DMD: variants seen among roughly 807,000 people sequenced by gnomAD.
The protein encoded by DMD is mutant dystrophin.
A neutral mutation model predicts 330.1 loss-of-function variants in DMD; 63 were observed. That is an observed-to-expected ratio of 0.19 (90% CI 0.16 to 0.24). The LOEUF (loss-of-function observed/expected upper bound fraction) is 0.24, where lower values mean the gene tolerates loss of function less well. Among genes scored for constraint, DMD ranks in the 10% least tolerant of loss-of-function variants. The pLI is 1.00. For missense variants in DMD, 3,344 were observed against 2,684.1 expected, an observed-to-expected ratio of 1.25 and a Z score of -5.43; for synonymous variants, 1,223 against 959.8, an observed-to-expected ratio of 1.27 and a Z score of -5.07.
At chrX:31,566,130 T>G (rs932720531) in intron 55 of DMD, among the ~76,000 whole-genome samples, 1 of 112,046 alleles carries the variant, frequency 8.9e-6, no homozygotes, top group African/African-American at 3.2e-5. Flanking sequence ...GCAGTCCAAC[T>G]GATTTTTTTC....
intron 41 of DMD, among the ~76,000 whole-genome samples, chrX:32,315,913 A>G (rs1224516436): frequency 1.8e-5 from 2 of 111,955 alleles, no homozygotes; most frequent in African/African-American, 6.5e-5. Flanking sequence ...AATTTTTAAG[A>G]AAATTTTAGA....
At chrX:32,666,594 C>T (rs1160419300) in intron 9 of DMD, among the ~76,000 whole-genome samples, 1 of 110,428 alleles carries the variant, frequency 9.1e-6, no homozygotes, top group Admixed American at 9.7e-5. Context: ...TTTCTTTATC[C>T]AGTCTATCAT....
chrX:32,854,875 A>G (rs1432087262), intron 2 of DMD, among the ~76,000 whole-genome samples: 1 of 111,949 alleles, frequency 8.9e-6, no homozygotes, highest in African/African-American at 3.2e-5. Context: ...ACAGATATCC[A>G]GAAAACAAAA....
rs762123560 is a variant in DMD at position 32,643,983 on chromosome X, T to C, written c.1331+149A>G. 90 of 491,884 alleles carry C rather than the reference T, an allele frequency of 1.8e-4. 1 individual carries two copies. In the South Asian group the frequency reaches 3.0e-3, roughly 17 times the overall value. 40.5% of individuals were successfully genotyped at this position (491,884 alleles called of 1,213,427 possible). ...AAAGTGAAAACCAAAATGTTATTTC[T>C]ATGAAAATCCAACCAGTCTCCCTTG... On this transcript the variant is annotated intron_variant, in intron 11 of 78. Coordinates refer to ENST00000357033, the MANE Select transcript of DMD (RefSeq NM_004006.3).
At chrX:31,709,618 T>TGTGTGTG in intron 52 of DMD, among the ~76,000 whole-genome samples, 1 of 98,322 alleles carries the variant, frequency 1.0e-5, no homozygotes, top group African/African-American at 3.7e-5. Context: ...GTGTGTGTGG[T>TGTGTGTG]GTGTCAGAGA....
intron 54 of DMD, among the ~76,000 whole-genome samples, chrX:31,633,722 G>C (rs1195069087): frequency 8.9e-6 from 1 of 112,134 alleles, no homozygotes; most frequent in Non-Finnish European, 1.9e-5. Flanking sequence ...CAAAAGAGGT[G>C]GAGATCATCC....
chrX:32,702,340 G>A (rs2064211251), intron 7 of DMD, among the ~76,000 whole-genome samples: 1 of 111,739 alleles, frequency 8.9e-6, no homozygotes, highest in Non-Finnish European at 1.9e-5. Context: ...TTATGCATAG[G>A]ATTTCAATAG....
At chrX:32,834,774 G>A (rs2079463155) in intron 4 of DMD, among the ~76,000 whole-genome samples, 1 of 111,909 alleles carries the variant, frequency 8.9e-6, no homozygotes, top group Non-Finnish European at 1.9e-5. Flanking sequence ...ATCTACAACT[G>A]TGTCAGTTAA....
chrX:32,208,183 T>C (rs916185679), intron 44 of DMD, among the ~76,000 whole-genome samples: 1 of 111,887 alleles, frequency 8.9e-6, no homozygotes, highest in African/African-American at 3.2e-5. Context: ...AATGCAAACG[T>C]GGGTACAACA....
chrX:32,718,557 G>A (rs1267417169), intron 7 of DMD, among the ~76,000 whole-genome samples: 1 of 111,793 alleles, frequency 8.9e-6, no homozygotes, highest in Non-Finnish European at 1.9e-5. Flanking sequence ...ATCAAGATAA[G>A]GACATTTATT....
chrX:32,981,720 G>A (rs1413474867), intron 2 of DMD, among the ~76,000 whole-genome samples: 1 of 111,228 alleles, frequency 9.0e-6, no homozygotes, highest in East Asian at 2.8e-4. Flanking sequence ...AAATGTGATA[G>A]TATCCTATAA....
rs537698935 is a variant in DMD at position 32,019,597 on chromosome X, T to C, written c.6439-51083A>G. Among the ~76,000 whole-genome samples the C allele has an allele frequency of 1.2e-4, 13 of 110,987 alleles. No individual in the cohort carries two copies. In the South Asian group the frequency reaches 4.8e-3, roughly 41 times the overall value. ...TAGTCAAATGTGATTATACTTTTAT[T>C]CGTATCTTTCTTACACATGTTTCAA... On this transcript the variant is annotated intron_variant, in intron 44 of 78. Coordinates refer to ENST00000357033, the MANE Select transcript of DMD (RefSeq NM_004006.3).
intron 50 of DMD, among the ~76,000 whole-genome samples, chrX:31,806,771 C>T (rs765956371): frequency 6.2e-5 from 7 of 112,529 alleles, no homozygotes; most frequent in Non-Finnish European, 9.4e-5. Flanking sequence ...AAAATAAATT[C>T]CAGCCAAGAA....
At chrX:32,262,454 CAA>C (rs928233170) in intron 43 of DMD, among the ~76,000 whole-genome samples, 1 of 110,963 alleles carries the variant, frequency 9.0e-6, no homozygotes, top group African/African-American at 3.3e-5. Context: ...TTGCATATGT[CAA>C]AACTTATCAA....
At chrX:32,248,514 T>A (rs1458626690) in intron 43 of DMD, among the ~76,000 whole-genome samples, 2 of 110,696 alleles carry the variant, frequency 1.8e-5, no homozygotes, top group East Asian at 2.8e-4. Flanking sequence ...AAAATATATG[T>A]TGTTACACAC....
intron 11 of DMD, chrX:32,641,448 C>G (rs1272441004): frequency 1.7e-5 from 2 of 118,344 alleles, no homozygotes; most frequent in Non-Finnish European, 3.7e-5. Flanking sequence ...CTCACAATGA[C>G]TATATATCAA....
At chrX:31,931,207 A>C (rs2094847995) in intron 46 of DMD, among the ~76,000 whole-genome samples, 1 of 111,416 alleles carries the variant, frequency 9.0e-6, no homozygotes, top group Non-Finnish European at 1.9e-5. Context: ...TAGTGGCTGT[A>C]AATGTATCTA....
At chrX:31,255,302 G>A (rs1031491042) in intron 63 of DMD, among the ~76,000 whole-genome samples, 1 of 110,991 alleles carries the variant, frequency 9.0e-6, no homozygotes, top group Admixed American at 9.6e-5. Context: ...ATGCTTTCTG[G>A]AGCCTTGAAG....
chrX:33,230,330 T>C (rs1002304856), intron 1 of DMD, among the ~76,000 whole-genome samples: 41 of 111,290 alleles, frequency 3.7e-4, no homozygotes, highest in Admixed American at 7.7e-4. Context: ...CTTGCTTATA[T>C]TGCAGTATTA....
Sources: allele counts gnomAD v4.1 joint callset (sites outside exome capture counted in the v4.1 genomes callset), GRCh38; gene constraint gnomAD v4.1.1; transcripts MANE v1.5; gene names NCBI Gene and HGNC (gene_info 2026-07-23, HGNC 2026-07-21).